IL7: variants seen among roughly 807,000 people sequenced by gnomAD.
The protein encoded by IL7 is interleukin-7.
A neutral mutation model predicts 21.6 loss-of-function variants in IL7; 3 were observed. That is an observed-to-expected ratio of 0.14 (90% CI 0.06 to 0.36). The LOEUF is 0.36. IL7 is among the 10% of genes least tolerant of loss of function. The pLI is 1.00. For missense variants in IL7, 175 were observed against 200.2 expected (o/e 0.87, Z 0.76); for synonymous variants, 62 against 68.1 (o/e 0.91, Z 0.44).
chr8:78,698,316 C>A, intron 3 of IL7: 2 of 991,908 alleles, frequency 2.0e-6, no homozygotes, highest in South Asian at 2.0e-5. Flanking sequence ...TTTATAGTTG[C>A]AAAGATTATT....
At chr8:78,708,274 A>C (rs1036194167) in intron 3 of IL7, among the ~76,000 whole-genome samples, 2 of 152,228 alleles carry the variant, frequency 1.3e-5, no homozygotes, top group African/African-American at 4.8e-5. Flanking sequence ...TCTTTATTGT[A>C]GTCCACTTTA....
chr8:78,717,220 C>A, downstream of IL7: 3 of 990,908 alleles, frequency 3.0e-6, no homozygotes, highest in Non-Finnish European at 1.4e-6. Flanking sequence ...ATATTAAAAA[C>A]GAGATTAAGC....
intron 4 of IL7, among the ~76,000 whole-genome samples, chr8:78,677,754 AAGAG>A (rs1229691897): frequency 3.3e-5 from 5 of 152,128 alleles, no homozygotes; most frequent in Non-Finnish European, 7.4e-5. Flanking sequence ...TCCAGACACT[AAGAG>A]AGAGTTTTTG....
chr8:78,744,366 G>C (rs1007604216), intron 2 of IL7, among the ~76,000 whole-genome samples: 5 of 152,210 alleles, frequency 3.3e-5, no homozygotes, highest in African/African-American at 9.6e-5. Flanking sequence ...GTCTGGCCAC[G>C]TGTTGGTAGA....
intron 3 of IL7, 82 bp downstream of exon 3, chr8:78,739,920 A>G (rs1811722687): frequency 8.0e-7 from 1 of 1,249,674 alleles, no homozygotes; most frequent in South Asian, 2.0e-5. Context: ...TAGTATTCAT[A>G]TAATTGTCTA....
At chr8:78,715,111 T>C (rs997794855), downstream of IL7, 30 of 901,076 alleles carry the variant, frequency 3.3e-5, no homozygotes, top group Non-Finnish European at 4.5e-5. Flanking sequence ...TTTAATCTTT[T>C]GAACTTCTCT....
intron 6 of IL7, chr8:78,718,715 A>G (rs1811178327): frequency 1.3e-5 from 2 of 152,014 alleles, no homozygotes; most frequent in South Asian, 4.1e-4. Flanking sequence ...TGATCACGAC[A>G]CAGCTCTTAA....
At chr8:78,775,846 C>A (rs187631757) in intron 2 of IL7, among the ~76,000 whole-genome samples, 1 of 152,156 alleles carries the variant, frequency 6.6e-6, no homozygotes. Context: ...GGGCTTGGGA[C>A]TTCACTGGAC....
At chr8:78,680,116 T>C (rs1809720787) in intron 4 of IL7, among the ~76,000 whole-genome samples, 1 of 151,926 alleles carries the variant, frequency 6.6e-6, no homozygotes, top group Non-Finnish European at 1.5e-5. Context: ...GTATTTATCT[T>C]GTGTGGTTAT....
chr8:78,697,567 TA>T, intron 3 of IL7: 1 of 1,240,928 alleles, frequency 8.1e-7, no homozygotes, highest in South Asian at 1.3e-5. Flanking sequence ...GAGCAGGAAA[TA>T]AAGATAGTGG....
At chr8:78,745,084 G>A (rs920919440) in intron 2 of IL7, among the ~76,000 whole-genome samples, 2 of 152,150 alleles carry the variant, frequency 1.3e-5, no homozygotes, top group Non-Finnish European at 2.9e-5. Context: ...CCACTCACAC[G>A]AGCTGCTTCT....
intron 5 of IL7, among the ~76,000 whole-genome samples, chr8:78,736,093 T>A (rs1358455927): frequency 6.6e-6 from 1 of 151,524 alleles, no homozygotes; most frequent in Non-Finnish European, 1.5e-5. Flanking sequence ...CCTTATTGTT[T>A]AATTTTTATT....
downstream of IL7, among the ~76,000 whole-genome samples, chr8:78,730,845 C>T (rs890680861): frequency 6.6e-6 from 1 of 151,908 alleles, no homozygotes; most frequent in East Asian, 1.9e-4. Flanking sequence ...ATGAATGATG[C>T]AGGCTTAAGT....
chr8:78,757,769 A>G (rs1318934072), intron 2 of IL7, among the ~76,000 whole-genome samples: 1 of 151,838 alleles, frequency 6.6e-6, no homozygotes, highest in South Asian at 2.1e-4. Context: ...CTTTCAGTCT[A>G]TTTGTGTCTG....
At chr8:78,761,619 T>C in intron 2 of IL7, 1 of 1,612,020 alleles carries the variant, frequency 6.2e-7, no homozygotes, top group Non-Finnish European at 8.5e-7. Flanking sequence ...TCCCCTGCTA[T>C]GTCCACTACA....
intron 3 of IL7, among the ~76,000 whole-genome samples, chr8:78,691,751 A>T (rs139929281): frequency 0.013 from 1,910 of 152,208 alleles, 24 homozygotes; most frequent in Admixed American, 0.031. Flanking sequence ...TAAAAAATGC[A>T]TCTTTGACTT....
At chr8:78,707,388 A>C (rs1177044398) in intron 3 of IL7, among the ~76,000 whole-genome samples, 1 of 152,222 alleles carries the variant, frequency 6.6e-6, no homozygotes, top group African/African-American at 2.4e-5. Flanking sequence ...TCTGCATCAT[A>C]ATCTGCCACT....
chr8:78,704,747 T>C (rs1464600923), intron 3 of IL7, among the ~76,000 whole-genome samples: 1 of 152,178 alleles, frequency 6.6e-6, no homozygotes, highest in East Asian at 1.9e-4. Context: ...CAGTCATAGA[T>C]TTGGTCTTTT....
chr8:78,744,770 C>T (rs926846266), intron 2 of IL7, among the ~76,000 whole-genome samples: 2 of 152,150 alleles, frequency 1.3e-5, no homozygotes, highest in South Asian at 2.1e-4. Flanking sequence ...CCAAGACTCC[C>T]GTATCTCTGT....
Sources: gnomAD v4.1 joint callset for allele counts (sites outside exome capture counted in the v4.1 genomes callset) on GRCh38, gnomAD v4.1.1 for gene constraint, MANE v1.5 for transcripts, NCBI Gene and HGNC (gene_info 2026-07-23, HGNC 2026-07-21) for gene names.